Variants in SCN1A observed in about 807,000 individuals in gnomAD.
The protein encoded by SCN1A is sodium voltage-gated channel alpha subunit 1.
In SCN1A, 13 loss-of-function variants were observed where a neutral mutation model predicts 193.7. The ratio of observed to expected loss-of-function variants is 0.07; its 90% CI spans 0.04 to 0.11. The LOEUF is 0.11. SCN1A is among the 10% of genes least tolerant of loss of function. The probability of loss-of-function intolerance (pLI) is 1.00; values close to 1 mark genes in which losing one functional copy is unlikely to be tolerated. For synonymous variants in SCN1A, 781 were observed against 843.6 expected, an observed-to-expected ratio of 0.93 and a Z score of 1.29; for missense variants, 1,432 against 2,451.1, an observed-to-expected ratio of 0.58 and a Z score of 8.78.
chr2:165,986,653 GAT>G lies in SCN1A; in HGVS notation c.*4590_*4591del, dbSNP rs1482914634. ...ATAAAGTCCAGGGCATACAAAATAT[GAT>G]AGTGTGAACACGCAGACATAGGCAC... is the stretch of plus-strand genomic sequence containing the variant. On this transcript the variant is annotated 3_prime_UTR_variant, in exon 29 of 29. Transcript: ENST00000674923. 3.5e-5 allele frequency: 5 copies of G among 143,120 alleles called. No individual in the cohort carries two copies. The Admixed American group carries it at 3.6e-4, about 10-fold the overall frequency. The allele number at this position is 143,120 out of a possible 1,614,324, so 8.9% of individuals were successfully genotyped here.
At chr2:166,067,867 G>A (rs1684016588) in intron 4 of SCN1A, among the ~76,000 whole-genome samples, 1 of 152,116 alleles carries the variant, frequency 6.6e-6, no homozygotes, top group Admixed American at 6.5e-5. Flanking sequence ...ATACCAAGGA[G>A]ACCATCACAT....
At chr2:166,070,919 G>A (rs1193296962) in intron 4 of SCN1A, among the ~76,000 whole-genome samples, 1 of 152,136 alleles carries the variant, frequency 6.6e-6, no homozygotes. Context: ...TTTCTTCCCT[G>A]TTTGATTAAG....
intron 25 of SCN1A, among the ~76,000 whole-genome samples, chr2:165,998,639 C>T (rs1358346194): frequency 6.6e-6 from 1 of 151,256 alleles, no homozygotes. Flanking sequence ...TTGAATTTTT[C>T]AGATTAAGTA....
At position 166,052,919 on chromosome 2, in the gene SCN1A, C is replaced by G. The variant is rs1325146354; in HGVS notation, c.627G>C (p.Leu209=). 6.2e-7 allele frequency: 1 copy of G among 1,612,326 alleles called. No individual in the cohort carries two copies. Among genetic ancestry groups the G allele is most frequent in the African/African-American group, 1.3e-5 (1 of 74,824 alleles). The change falls in exon 8 of 29, where the codon CTG becomes CTC. Residue 209 remains leucine, a synonymous_variant. Coordinates refer to ENST00000674923, the MANE Select transcript of SCN1A (RefSeq NM_001165963.4). ...ATGTTCTCAATGCCGAGACATTGCC[C>G]AGGTCCACAAACTCTGTGACGTACC... is the stretch of plus-strand genomic sequence containing the variant. ...TFAYVTEFVD[L]GNVSALRTFR... is the part of the protein sequence containing the mutation.
intron 12 of SCN1A, 99 bp downstream of exon 12, chr2:166,046,671 C>T (rs1003914125): frequency 3.6e-6 from 4 of 1,116,654 alleles, no homozygotes; most frequent in Admixed American, 1.9e-5. Flanking sequence ...TTATTAATTC[C>T]TCATACAACC....
intron 4 of SCN1A, among the ~76,000 whole-genome samples, chr2:166,063,408 A>G (rs1177833742): frequency 6.6e-6 from 1 of 152,080 alleles, no homozygotes; most frequent in Non-Finnish European, 1.5e-5. Flanking sequence ...GTTGGTAATT[A>G]TGTATGAGCA....
intron 1 of SCN1A, among the ~76,000 whole-genome samples, chr2:166,134,572 C>T (rs901825600): frequency 2.0e-5 from 3 of 152,154 alleles, no homozygotes; most frequent in African/African-American, 7.2e-5. Context: ...CCACAAAGTA[C>T]TCAAGCCCAA....
chr2:166,076,322 A>C (rs1201035282), intron 3 of SCN1A, among the ~76,000 whole-genome samples: 2 of 151,878 alleles, frequency 1.3e-5, no homozygotes, highest in East Asian at 3.9e-4. Context: ...TTGGTGGTTT[A>C]ATGTTATAAG....
intron 2 of SCN1A, among the ~76,000 whole-genome samples, chr2:166,101,926 A>G (rs1350575622): frequency 6.6e-6 from 1 of 152,254 alleles, no homozygotes; most frequent in Non-Finnish European, 1.5e-5. Context: ...CTATCAATAG[A>G]GTAAACAGAC....
Position 165,986,731 on chromosome 2 carries a change from CA to C in SCN1A, c.*4513del, listed in dbSNP as rs1688637256. 6.8e-6 allele frequency: 1 copy of C among 147,390 alleles called. No individual in the cohort carries two copies. The highest frequency in any genetic ancestry group is 1.5e-5 in the Non-Finnish European group (1 of 67,002). 9.1% of individuals were successfully genotyped at this position (147,390 alleles called of 1,614,324 possible). ...AAAAAAATCCTCCCCTTTCTAAAGA[CA>C]CACACACATCTATACTTTTATCTAT... On this transcript the variant is annotated 3_prime_UTR_variant, in exon 29 of 29. Coordinates refer to ENST00000674923, the MANE Select transcript of SCN1A (RefSeq NM_001165963.4).
chr2:166,047,777 G>C lies in SCN1A; in HGVS notation c.1029-9C>G. The C allele has an allele frequency of 6.2e-7, 1 of 1,613,248 alleles. No individual in the cohort carries two copies. Among genetic ancestry groups the C allele is most frequent in the Non-Finnish European group, 8.5e-7 (1 of 1,179,410 alleles). On this transcript the variant is annotated splice_polypyrimidine_tract_variant and intron_variant, in intron 10 of 28. Transcript: ENST00000674923. ...ATCCCTCTGGACATTGGCTGCAAGTGGGGTAAAAGAAAGTATTACAAGTCG... is the reference window on the plus strand; with the variant it reads ...ATCCCTCTGGACATTGGCTGCAAGTCGGGTAAAAGAAAGTATTACAAGTCG...
intron 2 of SCN1A, among the ~76,000 whole-genome samples, chr2:166,103,718 G>A (rs1688390750): frequency 6.6e-6 from 1 of 152,054 alleles, no homozygotes; most frequent in Non-Finnish European, 1.5e-5. Context: ...TGATCTTTTA[G>A]TCACTTAGAA....
intron 2 of SCN1A, among the ~76,000 whole-genome samples, chr2:166,118,934 G>A (rs1460768995): frequency 1.3e-5 from 2 of 152,200 alleles, no homozygotes; most frequent in African/African-American, 4.8e-5. Context: ...GACTGGTTTT[G>A]TGGAAGACAG....
At chr2:166,012,459 A>G (rs1289963485) in intron 21 of SCN1A, among the ~76,000 whole-genome samples, 177 bp from the exon 22 acceptor site, 1 of 150,968 alleles carries the variant, frequency 6.6e-6, no homozygotes, top group African/African-American at 2.4e-5. Flanking sequence ...AATCAGGGGA[A>G]AGACTATTGG....
At chr2:166,006,964 T>TAAA (rs1333309847) in intron 23 of SCN1A, among the ~76,000 whole-genome samples, 1 of 150,996 alleles carries the variant, frequency 6.6e-6, no homozygotes, top group Admixed American at 6.6e-5. Context: ...GATGGATAAC[T>TAAA]CCATATACAC....
intron 17 of SCN1A, among the ~76,000 whole-genome samples, chr2:166,038,950 G>C (rs772502782): frequency 1.5e-3 from 226 of 152,012 alleles, no homozygotes; most frequent in Non-Finnish European, 2.4e-3. Context: ...TGAATTAATG[G>C]GCATGCTTAG....
intron 25 of SCN1A, 89 bp from the exon 26 acceptor site, chr2:165,998,264 T>A: frequency 8.8e-7 from 1 of 1,133,842 alleles, no homozygotes. Flanking sequence ...TAGAAAAAAT[T>A]ATTCTTACTA....
At chr2:166,121,243 T>C (rs549236880) in intron 2 of SCN1A, among the ~76,000 whole-genome samples, 5 of 152,214 alleles carry the variant, frequency 3.3e-5, no homozygotes, top group Non-Finnish European at 7.3e-5. Flanking sequence ...TCTGCTCTTA[T>C]AGTTTTCTCT....
intron 1 of SCN1A, among the ~76,000 whole-genome samples, chr2:166,138,394 A>G (rs4667875): frequency 0.45 from 67,994 of 152,040 alleles, 16,008 homozygotes; most frequent in Admixed American, 0.58. Context: ...CCAGGCCCAG[A>G]GTTCCCATGC....
Sources: allele counts gnomAD v4.1 joint callset (sites outside exome capture counted in the v4.1 genomes callset), GRCh38; gene constraint gnomAD v4.1.1; transcripts MANE v1.5; gene names NCBI Gene and HGNC (gene_info 2026-07-23, HGNC 2026-07-21).